The following IQSEC1 variants were observed in gnomAD, a reference collection of about 807,000 sequenced individuals.
IQSEC1 encodes the protein IQ motif and SEC7 domain-containing protein 1.
In IQSEC1, 31 loss-of-function variants were observed where a neutral mutation model predicts 91.0. That is an observed-to-expected ratio of 0.34 (90% CI 0.26 to 0.46). IQSEC1 has a LOEUF of 0.46. Among genes scored for constraint, IQSEC1 ranks in the 20% least tolerant of loss-of-function variants. The pLI is 1.00. For synonymous variants in IQSEC1, 699 were observed against 662.6 expected (o/e 1.05, Z -0.84); for missense variants, 1,388 against 1,575.6 (o/e 0.88, Z 2.02).
intron 1 of IQSEC1, among the ~76,000 whole-genome samples, chr3:13,205,793 A>G (rs1314787328): frequency 9.3e-6 from 1 of 107,908 alleles, no homozygotes; most frequent in African/African-American, 3.7e-5. Context: ...CTCATCCATC[A>G]CTCTACCCAC....
At position 13,223,482 on chromosome 3, in the gene IQSEC1, C is replaced by T. The variant is rs2125078188; in HGVS notation, c.272+59229G>A. On this transcript the variant is annotated intron_variant, in intron 1 of 15. Coordinates refer to the IQSEC1 transcript ENST00000648114. The stretch of plus-strand genomic sequence containing the variant: ...AGTCCTCCCTGCTGCAGAGGGAGTC[C>T]TTGAGGCAGAACTCCTTGGGGATGG... Among the ~76,000 whole-genome samples, 2 of 152,246 alleles carry T rather than the reference C, an allele frequency of 1.3e-5. 1 individual carries two copies. The highest frequency in any genetic ancestry group is 4.2e-4 in the South Asian group (2 of 4,818).
intron 2 of IQSEC1, among the ~76,000 whole-genome samples, chr3:13,154,947 A>G (rs993161910): frequency 6.6e-6 from 1 of 152,174 alleles, no homozygotes; most frequent in Non-Finnish European, 1.5e-5. Flanking sequence ...GGAGAAGAAA[A>G]AAAACACAAC....
chr3:13,100,593 CAGCGGTTGGG>C (rs1240578434), intron 2 of IQSEC1, among the ~76,000 whole-genome samples: 2 of 148,622 alleles, frequency 1.3e-5, no homozygotes, highest in African/African-American at 5.1e-5. Context: ...ATTTTCAGGT[CAGCGGTTGGG>C]AGTGGGTGAG....
chr3:12,974,379 G>A (rs1701055474), intron 1 of IQSEC1, among the ~76,000 whole-genome samples: 1 of 152,236 alleles, frequency 6.6e-6, no homozygotes, highest in South Asian at 2.1e-4. Flanking sequence ...AGAAGGTGGT[G>A]AGAATATGCT....
Position 12,984,815 on chromosome 3 carries a change from A to ATT in IQSEC1, c.24-42952_24-42951dup, listed in dbSNP as rs767194681. Among the ~76,000 whole-genome samples, 715 of 102,252 alleles carry ATT rather than the reference A, an allele frequency of 7.0e-3. 83 individuals carry two copies. Among genetic ancestry groups the ATT allele is most frequent in the African/African-American group, 0.024 (527 of 21,858 alleles). 67.1% of individuals were successfully genotyped at this position (102,252 alleles called of 152,430 possible). A position where few individuals can be genotyped will look rare whatever the true frequency, so the allele number is the denominator to read the frequency against. On this transcript the variant is annotated intron_variant, in intron 1 of 13. Transcript: ENST00000613206. ...CTATTAACACTTTTAAAGCAATTAC[A>ATT]TTTTTTTTTTTTTTTTTTTTTTTTT...
At chr3:13,053,564 A>C (rs1576218644) in intron 1 of IQSEC1, among the ~76,000 whole-genome samples, 1 of 152,094 alleles carries the variant, frequency 6.6e-6, no homozygotes, top group Non-Finnish European at 1.5e-5. Flanking sequence ...CCACGGGGAG[A>C]AGGGAGACTC....
At chr3:13,278,048 G>A (rs1695722817) in intron 1 of IQSEC1, among the ~76,000 whole-genome samples, 2 of 152,160 alleles carry the variant, frequency 1.3e-5, no homozygotes, top group Admixed American at 6.5e-5. Context: ...CTGAACTGAC[G>A]TGCCGCCGTA....
chr3:12,994,776 C>A lies in IQSEC1; in HGVS notation c.24-52911G>T, dbSNP rs1420846755. ...TTGGGGACGGGGTGGGGACCTGGGCCTGCCGGTGCCGCCCCCATCCCTCAG... is the reference window on the plus strand; with the variant it reads ...TTGGGGACGGGGTGGGGACCTGGGCATGCCGGTGCCGCCCCCATCCCTCAG... On this transcript the variant is annotated intron_variant, in intron 1 of 13. Coordinates refer to ENST00000613206, the MANE Select transcript of IQSEC1 (RefSeq NM_001134382.3). The surrounding 1 kb of genome is among the most constrained non-coding windows in gnomAD (Gnocchi z 4.5). Among the ~76,000 whole-genome samples, 1 of 151,884 alleles carries A rather than the reference C, an allele frequency of 6.6e-6. No homozygotes were observed. The highest frequency in any genetic ancestry group is 1.5e-5 in the Non-Finnish European group (1 of 67,934).
At chr3:13,019,022 C>G (rs950297249) in intron 1 of IQSEC1, among the ~76,000 whole-genome samples, 2 of 152,234 alleles carry the variant, frequency 1.3e-5, no homozygotes, top group Non-Finnish European at 2.9e-5. Flanking sequence ...GCCAAGCCAA[C>G]AGAACCCAGT....
At chr3:13,116,155 G>C (rs997841129) in intron 2 of IQSEC1, among the ~76,000 whole-genome samples, 6 of 152,230 alleles carry the variant, frequency 3.9e-5, no homozygotes, top group African/African-American at 1.4e-4. Context: ...CCAGCTCCCT[G>C]AGGGCAGTCA....
chr3:12,917,669 A>G (rs1461914196), intron 6 of IQSEC1, among the ~76,000 whole-genome samples: 1 of 152,132 alleles, frequency 6.6e-6, no homozygotes, highest in Non-Finnish European at 1.5e-5. Flanking sequence ...TGGTTGCCAC[A>G]TTTTGACAGT....
At position 12,922,351 on chromosome 3, in the gene IQSEC1, CAG is replaced by C. The variant is rs556349082; in HGVS notation, c.1731-111_1731-110del. 1.3e-3 allele frequency: 1,719 copies of C among 1,335,750 alleles called. 3 individuals carry two copies. The highest frequency in any genetic ancestry group is 1.8e-3 in the South Asian group (106 of 60,554). 82.7% of individuals were successfully genotyped at this position (1,335,750 alleles called of 1,614,324 possible). On this transcript the variant is annotated intron_variant, in intron 4 of 13. Transcript: ENST00000613206. This position sits in a 1 kb window ranked among gnomAD's most constrained non-coding sequence, Gnocchi z 5.1. Reference sequence around the variant, plus strand: ...GCCCTGGGAATGGACCGCCTCCTGGCAGGGAGAGCCCCTGCCTGACTCCGACC... The same window carrying C: ...GCCCTGGGAATGGACCGCCTCCTGGCGGAGAGCCCCTGCCTGACTCCGACC...
At chr3:12,944,436 C>T (rs868043739) in intron 1 of IQSEC1, among the ~76,000 whole-genome samples, 2 of 152,234 alleles carry the variant, frequency 1.3e-5, no homozygotes, top group Non-Finnish European at 2.9e-5. Flanking sequence ...GTTGGCCTCG[C>T]CGGGAAGCCC....
chr3:13,073,071 G>T lies in IQSEC1; in HGVS notation c.-57C>A. On this transcript the variant is annotated 5_prime_UTR_variant, in exon 1 of 14. Coordinates refer to ENST00000613206, the MANE Select transcript of IQSEC1 (RefSeq NM_001134382.3). ...TCCCTCTCCAGCGGGGAGGCTCAAC[G>T]TGTTTCCAAGAGGAGCAGGCGGCTC... 6.5e-7 allele frequency: 1 copy of T among 1,550,080 alleles called. No individual in the cohort carries two copies. The highest frequency in any genetic ancestry group is 8.7e-7 in the Non-Finnish European group (1 of 1,145,592).
At chr3:13,220,206 A>G (rs12631998) in intron 1 of IQSEC1, among the ~76,000 whole-genome samples, 29,946 of 152,274 alleles carry the variant, frequency 0.2, 4,143 homozygotes, top group African/African-American at 0.38. Context: ...GTGGGCCTGG[A>G]GCAAACTGGA....
intron 1 of IQSEC1, among the ~76,000 whole-genome samples, chr3:13,055,482 C>T (rs1448351318): frequency 1.3e-5 from 2 of 152,198 alleles, no homozygotes; most frequent in East Asian, 3.8e-4. Flanking sequence ...CACGCTCAAC[C>T]ACCCTGTGAC....
At chr3:13,018,090 T>C (rs1703225886) in intron 1 of IQSEC1, among the ~76,000 whole-genome samples, 1 of 151,940 alleles carries the variant, frequency 6.6e-6, no homozygotes, top group Admixed American at 6.5e-5. Flanking sequence ...AGTGTGTGGG[T>C]GGGTGGCAGC....
intron 2 of IQSEC1, among the ~76,000 whole-genome samples, chr3:13,155,335 A>G (rs1707068546): frequency 1.3e-5 from 2 of 152,236 alleles, no homozygotes; most frequent in Admixed American, 1.3e-4. Context: ...TAAGGATTAT[A>G]TGAGAGTCCT....
chr3:13,242,227 C>T (rs947635707), intron 1 of IQSEC1, among the ~76,000 whole-genome samples: 1 of 152,176 alleles, frequency 6.6e-6, no homozygotes, highest in Admixed American at 6.5e-5. Context: ...AGCTGGTCTC[C>T]AGGTCTCCGC....
Sources: allele counts gnomAD v4.1 joint callset (sites outside exome capture counted in the v4.1 genomes callset), GRCh38; gene constraint gnomAD v4.1.1; non-coding constraint Gnocchi (gnomAD v3.1); transcripts MANE v1.5; gene names NCBI Gene and HGNC (gene_info 2026-07-23, HGNC 2026-07-21).